USP45: variants seen among roughly 807,000 people sequenced by gnomAD.
USP45 encodes the protein ubiquitin specific peptidase 45, also known as ubiquitin carboxyl-terminal hydrolase 45.
In USP45, 89 loss-of-function variants were observed where a neutral mutation model predicts 95.8. The ratio of observed to expected loss-of-function variants is 0.93; its 90% confidence interval spans 0.78 to 1.11. USP45 has a LOEUF of 1.11. USP45 is among the 50% of genes least tolerant of loss of function. The probability of loss-of-function intolerance (pLI) is 0.00; values close to 1 mark genes in which losing one functional copy is unlikely to be tolerated. For synonymous variants in USP45, 281 were observed against 316.2 expected (o/e 0.89, Z 1.18); for missense variants, 898 against 942.5 (o/e 0.95, Z 0.62).
chr6:99,485,964 A>G (rs12201394), intron 7 of USP45, among the ~76,000 whole-genome samples: 336 of 152,308 alleles, frequency 2.2e-3, no homozygotes, highest in Admixed American at 5.1e-3. Flanking sequence ...AAAACTAGCA[A>G]TAGAAAGGAA....
chr6:99,510,094 T>C (rs747701581), intron 2 of USP45, 27 bp downstream of exon 2: 1 of 1,518,108 alleles, frequency 6.6e-7, no homozygotes, highest in Non-Finnish European at 9.1e-7. Flanking sequence ...CTCAACACTA[T>C]TTGGGATGCC....
intron 13 of USP45, among the ~76,000 whole-genome samples, chr6:99,455,960 C>T (rs1784969522): frequency 6.6e-6 from 1 of 151,102 alleles, no homozygotes; most frequent in Non-Finnish European, 1.5e-5. Flanking sequence ...AGGTGAAACC[C>T]TGTCTCTACT....
At chr6:99,439,249 C>T (rs1339011821) in intron 16 of USP45, among the ~76,000 whole-genome samples, 1 of 152,178 alleles carries the variant, frequency 6.6e-6, no homozygotes. Context: ...ACAATTCTTA[C>T]ATGTAAAATA....
intron 1 of USP45, among the ~76,000 whole-genome samples, chr6:99,513,496 G>T (rs1800403114): frequency 6.6e-6 from 1 of 152,106 alleles, no homozygotes; most frequent in Non-Finnish European, 1.5e-5. Context: ...AAAAGAGATA[G>T]GTATAACTAA....
chr6:99,488,835 A>C lies in USP45; in HGVS notation c.479-15T>G. On this transcript the variant is annotated splice_polypyrimidine_tract_variant and intron_variant, in intron 5 of 17. Coordinates refer to ENST00000500704, the MANE Select transcript of USP45 (RefSeq NM_001346022.3). ...AGAAAATGCACCTACAAGTTAGAGA[A>C]AAAATAACTGACACAAGATGTAAAG... The C allele has an allele frequency of 1.3e-6, 2 of 1,543,566 alleles. No individual in the cohort carries two copies. Among genetic ancestry groups the C allele is most frequent in the Non-Finnish European group, 1.7e-6 (2 of 1,151,348 alleles).
At chr6:99,479,778 G>A (rs1164397730) in intron 8 of USP45, among the ~76,000 whole-genome samples, 1 of 152,196 alleles carries the variant, frequency 6.6e-6, no homozygotes, top group African/African-American at 2.4e-5. Flanking sequence ...GTGAAAGACT[G>A]CATGCTCTCC....
chr6:99,494,530 G>T (rs1331240466), intron 5 of USP45, among the ~76,000 whole-genome samples: 2 of 151,962 alleles, frequency 1.3e-5, no homozygotes, highest in Non-Finnish European at 2.9e-5. Flanking sequence ...AAAAACTTAA[G>T]ATATTACCTC....
At chr6:99,465,820 T>C (rs1407177282) in intron 11 of USP45, among the ~76,000 whole-genome samples, 2 of 152,310 alleles carry the variant, frequency 1.3e-5, no homozygotes, top group South Asian at 2.1e-4. Flanking sequence ...TACAGAAATA[T>C]TCCTTGCCAA....
chr6:99,437,674 T>C (rs904292843), intron 16 of USP45, among the ~76,000 whole-genome samples: 1 of 152,090 alleles, frequency 6.6e-6, no homozygotes, highest in Non-Finnish European at 1.5e-5. Flanking sequence ...TCTCTTTTTC[T>C]TGAGATGGAG....
In USP45 at chr6:99,434,363, T is replaced by C. The variant is rs983267244; in HGVS notation, c.*1353A>G. ...CTTTCTTCCCAGGAGGAGAATGAAG[T>C]GGGACTAGGCATTTACCTGGCACTT... On this transcript the variant is annotated 3_prime_UTR_variant, in exon 18 of 18. Transcript: ENST00000500704. 1.3e-5 allele frequency: 2 copies of C among 152,176 alleles called. No individual in the cohort carries two copies. Among genetic ancestry groups the C allele is most frequent in the Non-Finnish European group, 2.9e-5 (2 of 68,020 alleles). The allele number at this position is 152,176 out of a possible 1,614,324, so 9.4% of individuals were successfully genotyped here. A position where few individuals can be genotyped will look rare whatever the true frequency, so the allele number is the denominator to read the frequency against.
At chr6:99,517,732 C>T (rs539752784), upstream of USP45, among the ~76,000 whole-genome samples, 6 of 151,896 alleles carry the variant, frequency 4.0e-5, no homozygotes, top group African/African-American at 1.4e-4. Context: ...TGTGAGCCAC[C>T]GAGCCCAGCT....
chr6:99,451,792 A>G (rs1310495308), intron 13 of USP45, among the ~76,000 whole-genome samples: 1 of 152,246 alleles, frequency 6.6e-6, no homozygotes, highest in East Asian at 1.9e-4. Context: ...CTACAAGGCT[A>G]TAGTAACCAA....
chr6:99,456,636 T>C (rs186133377), intron 13 of USP45, among the ~76,000 whole-genome samples: 2 of 152,362 alleles, frequency 1.3e-5, no homozygotes, highest in Admixed American at 1.3e-4. Flanking sequence ...CCCTTGTGAT[T>C]TCCTATGCCT....
chr6:99,503,495 C>G (rs1439615371), intron 5 of USP45, among the ~76,000 whole-genome samples: 2 of 152,036 alleles, frequency 1.3e-5, no homozygotes, highest in South Asian at 2.1e-4. Context: ...CCGTACCCGG[C>G]TAATTTTTGT....
rs1361593233 is a variant in USP45 at position 99,508,666 on chromosome 6, C to T, written c.217G>A (p.Asp73Asn). ...TCAGAAGTAAGTACTAGCTGCCCAT[C>T]ATAGAATCTTCTTTCTTTTAAACAT... ...SECLKERRFY[D>N]GQLVLTSDIW... The change falls in exon 3 of 18, where the codon GAT (aspartate) becomes AAT (asparagine). Residue 73 changes from aspartate to asparagine, a missense_variant. Coordinates refer to ENST00000500704, the MANE Select transcript of USP45 (RefSeq NM_001346022.3). 2 of 1,613,936 alleles carry T rather than the reference C, an allele frequency of 1.2e-6. No individual in the cohort carries two copies. Among genetic ancestry groups the T allele is most frequent in the South Asian group, 2.2e-5 (2 of 91,052 alleles).
At chr6:99,460,773 A>G in intron 13 of USP45, 1 of 984,688 alleles carries the variant, frequency 1.0e-6, no homozygotes, top group Non-Finnish European at 1.2e-6. Flanking sequence ...TATAACCCCA[A>G]TGATGAGAGG....
In USP45 at chr6:99,496,769, A is replaced by T. The variant is rs577621936; in HGVS notation, c.478+6996T>A. Among the ~76,000 whole-genome samples the T allele has an allele frequency of 2.5e-3, 374 of 151,944 alleles. 3 individuals are homozygous for T. The highest frequency in any genetic ancestry group is 0.01 in the South Asian group (49 of 4,804). ...ACAATGGCCCACTTTAAAAAAAAAA[A>T]TTTTTTTTCAAGCAGGTTTTAGGTT... On this transcript the variant is annotated intron_variant, in intron 5 of 17. Coordinates refer to ENST00000500704, the MANE Select transcript of USP45 (RefSeq NM_001346022.3).
At chr6:99,435,908 TACAAACAATAAC>T in intron 17 of USP45, 62 bp from the exon 18 acceptor site, 5 of 1,492,014 alleles carry the variant, frequency 3.4e-6, no homozygotes, top group Non-Finnish European at 2.7e-6. Flanking sequence ...TACTCTAAAT[TACAAACAATAAC>T]ATATTCATTA....
chr6:99,453,409 T>C (rs1784344946), intron 13 of USP45, among the ~76,000 whole-genome samples: 1 of 151,870 alleles, frequency 6.6e-6, no homozygotes. Context: ...GCAATCCTGT[T>C]TACAATGGCT....
Sources: allele counts gnomAD v4.1 joint callset (sites outside exome capture counted in the v4.1 genomes callset), GRCh38; gene constraint gnomAD v4.1.1; transcripts MANE v1.5; gene names NCBI Gene and HGNC (gene_info 2026-07-23, HGNC 2026-07-21).